The following RAD50 variants were observed in gnomAD, a reference collection of about 807,000 sequenced individuals.
RAD50 encodes the protein RAD50 double strand break repair protein, also known as DNA repair protein RAD50.
Under a neutral mutation model 168.8 loss-of-function variants are expected in RAD50, and 132 were observed. The ratio of observed to expected loss-of-function variants is 0.78; its 90% CI spans 0.68 to 0.90. RAD50 has a LOEUF of 0.90. Among genes scored for constraint, RAD50 ranks in the 40% least tolerant of loss-of-function variants. RAD50 has a pLI of 0.00. For synonymous variants in RAD50, 525 were observed against 497.4 expected, an observed-to-expected ratio of 1.06 and a Z score of -0.74; for missense variants, 1,347 against 1,534.4, an observed-to-expected ratio of 0.88 and a Z score of 2.04.
At chr5:132,578,645 G>C (rs542904764) in intron 3 of RAD50, among the ~76,000 whole-genome samples, 1 of 145,070 alleles carries the variant, frequency 6.9e-6, no homozygotes, top group Non-Finnish European at 1.5e-5. Flanking sequence ...TCTTGCCTCA[G>C]CCTCCCAAGG....
rs755059126 is a variant in RAD50 at position 132,618,223 on chromosome 5, A to G, written c.3318A>G (p.Glu1106=). ...QFRDAEEKYR[E]MMIVMRTTEL... ...GGGATGCTGAGGAAAAGTATAGAGA[A>G]ATGATGATTGTTATGAGGACAACAG... The change falls in exon 21 of 25, where the codon GAA becomes GAG. Residue 1106 remains glutamate, a synonymous_variant. Coordinates refer to ENST00000378823, the MANE Select transcript of RAD50 (RefSeq NM_005732.4). 6.2e-7 allele frequency: 1 copy of G among 1,613,904 alleles called. No homozygotes were observed. The highest frequency in any genetic ancestry group is 1.7e-5 in the Admixed American group (1 of 59,992).
At chr5:132,578,013 C>T (rs1053608186) in intron 3 of RAD50, among the ~76,000 whole-genome samples, 2 of 151,950 alleles carry the variant, frequency 1.3e-5, no homozygotes, top group Non-Finnish European at 2.9e-5. Context: ...TGGGGTTTCA[C>T]CATGTTAGCC....
At position 132,604,936 on chromosome 5, in the gene RAD50, G is replaced by A. The variant is rs1554099195; in HGVS notation, c.2655G>A (p.Gln885=). 2.5e-6 allele frequency: 4 copies of A among 1,614,022 alleles called. No individual in the cohort carries two copies. The highest frequency in any genetic ancestry group is 2.2e-5 in the South Asian group (2 of 91,068). The part of the protein sequence containing the change: ...LQISTNLQRR[Q]QLEEQTVELS... Reference sequence around the variant, plus strand: ...TATCCACTAATTTGCAACGTCGTCAGCAACTGGAGGAGCAGACTGTGGAAT... The same window carrying A: ...TATCCACTAATTTGCAACGTCGTCAACAACTGGAGGAGCAGACTGTGGAAT... Residue 885 remains glutamine (Q), a synonymous_variant, in exon 16 of 25, where the codon CAG becomes CAA. Transcript: ENST00000378823.
intron 13 of RAD50, among the ~76,000 whole-genome samples, chr5:132,597,746 T>C (rs1750816377): frequency 1.3e-5 from 2 of 152,196 alleles, no homozygotes; most frequent in South Asian, 4.1e-4. Context: ...GTGCTGTTAT[T>C]TTAAGCTGCT....
In RAD50 at chr5:132,558,718, CAAA is replaced by C. The variant is rs35515008; in HGVS notation, c.130-544_130-542del. ...GACAGAGGGAGACTCTCTCCCCCCA[CAAA>C]AAAAAAAAAAAAAAAAAAAAAGTTT... On this transcript the variant is annotated intron_variant, in intron 1 of 24. Transcript: ENST00000378823. 3.9e-3 allele frequency among the ~76,000 whole-genome samples: 292 copies of C among 75,800 alleles called. 2 individuals carry two copies. The highest frequency in any genetic ancestry group is 0.011 in the African/African-American group (237 of 21,460). 49.7% of individuals were successfully genotyped at this position (75,800 alleles called of 152,430 possible). A position where few individuals can be genotyped will look rare whatever the true frequency, so the allele number is the denominator to read the frequency against.
rs1172931460 is a variant in RAD50 at position 132,587,673 on chromosome 5, G to A, written c.868G>A (p.Glu290Lys). The change falls in exon 6 of 25, where the codon GAA (glutamate) becomes AAA (lysine). Residue 290 changes from glutamate to lysine, a missense_variant. Glu to Lys is a moderately conservative substitution (Grantham distance 56). Transcript: ENST00000378823. ...AATGGAGAAAGATAATAGTGAACTGGAAGAGAAAATGGAAAAGGTTTGTGG... is the reference window on the plus strand; with the variant it reads ...AATGGAGAAAGATAATAGTGAACTGAAAGAGAAAATGGAAAAGGTTTGTGG... ...KQMEKDNSEL[E>K]EKMEKVFQGT... is the part of the protein sequence containing the mutation. 2 of 1,613,746 alleles carry A rather than the reference G, an allele frequency of 1.2e-6. No homozygotes were observed. Among genetic ancestry groups the A allele is most frequent in the Admixed American group, 1.7e-5 (1 of 60,014 alleles).
At chr5:132,591,179 C>T (rs2149842049) in intron 9 of RAD50, 45 bp from the exon 10 acceptor site, 1 of 1,531,018 alleles carries the variant, frequency 6.5e-7, no homozygotes, top group South Asian at 1.1e-5. Context: ...TTAATTCTTG[C>T]ACAAAATATA....
intron 2 of RAD50, 79 bp downstream of exon 2, chr5:132,559,446 A>G: frequency 7.0e-7 from 1 of 1,433,822 alleles, no homozygotes. Context: ...TGGCACTGGA[A>G]AACTATAAAG....
chr5:132,575,980 C>T (rs1335787839), intron 3 of RAD50, 52 bp downstream of exon 3: 8 of 1,499,632 alleles, frequency 5.3e-6, no homozygotes, highest in Non-Finnish European at 6.4e-6. Context: ...TCTTTTAGGT[C>T]TGTAAGTTGA....
chr5:132,646,147 G>A lies in RAD50; in HGVS notation c.*3783G>A, dbSNP rs552680812. Reference sequence around the variant, plus strand: ...AGCTGAAAGTTGGCAGGAGCACACTGGCAGTTCCTAGGATCATAGGATATA... The same window carrying A: ...AGCTGAAAGTTGGCAGGAGCACACTAGCAGTTCCTAGGATCATAGGATATA... On this transcript the variant is annotated 3_prime_UTR_variant, in exon 25 of 25. Transcript: ENST00000378823. 2.7e-5 allele frequency: 4 copies of A among 149,008 alleles called. No individual in the cohort carries two copies. The highest frequency in any genetic ancestry group is 5.9e-5 in the Non-Finnish European group (4 of 67,628). 9.2% of individuals were successfully genotyped at this position (149,008 alleles called of 1,614,324 possible).
intron 19 of RAD50, among the ~76,000 whole-genome samples, chr5:132,614,644 G>A (rs565410736): frequency 2.0e-5 from 3 of 151,662 alleles, no homozygotes; most frequent in East Asian, 1.9e-4. Flanking sequence ...TAAATGATAC[G>A]TAGTTTTTAT....
chr5:132,601,166 T>G (rs1750881312), intron 13 of RAD50, among the ~76,000 whole-genome samples: 1 of 152,114 alleles, frequency 6.6e-6, no homozygotes, highest in South Asian at 2.1e-4. Flanking sequence ...CCAACTGATT[T>G]TTTGTATTTT....
intron 1 of RAD50, 82 bp downstream of exon 1, chr5:132,557,535 G>C: frequency 6.3e-7 from 1 of 1,581,088 alleles, no homozygotes; most frequent in Admixed American, 1.7e-5. Flanking sequence ...ACTCTCCTTA[G>C]GAGCAGAAGC....
rs144677773 is a variant in RAD50, at chr5:132,576,785, C to A, written c.365+857C>A. On this transcript the variant is annotated intron_variant, in intron 3 of 24. Transcript: ENST00000378823. ...GCAGTCCCATTCGTCCTTTGAAACA[C>A]CTCTGACTAAAGTTACTAATAACTC... Among the ~76,000 whole-genome samples the A allele has an allele frequency of 9.2e-5, 14 of 152,318 alleles. No individual in the cohort carries two copies. In the East Asian group the frequency reaches 2.7e-3, roughly 29 times the overall value.
At chr5:132,577,646 C>CT (rs777000957) in intron 3 of RAD50, among the ~76,000 whole-genome samples, 7 of 151,666 alleles carry the variant, frequency 4.6e-5, no homozygotes, top group South Asian at 2.1e-4. Flanking sequence ...GTATCTTCTC[C>CT]TTTTTTTTGC....
chr5:132,557,253 A>G lies in RAD50; in HGVS notation c.-72A>G. On this transcript the variant is annotated 5_prime_UTR_variant, in exon 1 of 25. Coordinates refer to ENST00000378823, the MANE Select transcript of RAD50 (RefSeq NM_005732.4). The stretch of plus-strand genomic sequence containing the variant: ...GATTCGCGGGTCTCACGTCCCGTGC[A>G]CGCCTTGCTTCGGCCTCAGTTAAGC... 2 of 1,575,902 alleles carry G rather than the reference A, an allele frequency of 1.3e-6. No individual in the cohort carries two copies. The highest frequency in any genetic ancestry group is 1.7e-6 in the Non-Finnish European group (2 of 1,145,392).
intron 21 of RAD50, among the ~76,000 whole-genome samples, chr5:132,619,885 T>TATATATATATAGAG (rs1554099997): frequency 8.2e-6 from 1 of 121,222 alleles, no homozygotes; most frequent in African/African-American, 3.5e-5. Flanking sequence ...TATATATATA[T>TATATATATATAGAG]AGAGAGAGAG....
intron 21 of RAD50, among the ~76,000 whole-genome samples, chr5:132,625,338 G>A (rs62383756): frequency 1.1e-3 from 167 of 152,010 alleles, no homozygotes; most frequent in African/African-American, 3.5e-3. Context: ...CGCCCGCCTC[G>A]GCCTCCCAAA....
Position 132,588,086 on chromosome 5 carries a change from C to T in RAD50, c.1048C>T (p.Gln350Ter), listed in dbSNP as rs2149840715. ...NQEKSELLVEQGRLQLQADRH... is the reference protein window; with the variant it reads ...NQEKSELLVE Reference sequence around the variant, plus strand: ...GGAAAAATCAGAACTGCTTGTTGAACAGGGTAGGACAAAATGTTTATTTGG... The same window carrying T: ...GGAAAAATCAGAACTGCTTGTTGAATAGGGTAGGACAAAATGTTTATTTGG... Residue 350 changes from glutamine (Q) to a stop codon, truncating the protein, a stop_gained, in exon 7 of 25, where the codon CAG (glutamine) becomes TAG (stop). Coordinates refer to ENST00000378823, the MANE Select transcript of RAD50 (RefSeq NM_005732.4). LOFTEE classifies it high-confidence loss of function. The T allele has an allele frequency of 2.5e-6, 4 of 1,609,496 alleles. No homozygotes were observed. Among genetic ancestry groups the T allele is most frequent in the Non-Finnish European group, 3.4e-6 (4 of 1,176,112 alleles).
Sources: gnomAD v4.1 joint callset for allele counts (sites outside exome capture counted in the v4.1 genomes callset) on GRCh38, gnomAD v4.1.1 for gene constraint, MANE v1.5 for transcripts, NCBI Gene and HGNC (gene_info 2026-07-23, HGNC 2026-07-21) for gene names.